The following ATRNL1 variants were observed in gnomAD, a reference collection of about 807,000 sequenced individuals.
The protein encoded by ATRNL1 is attractin-like protein 1.
A neutral mutation model predicts 182.7 loss-of-function variants in ATRNL1; 95 were observed. That is an observed-to-expected ratio of 0.52 (90% CI 0.44 to 0.62). The LOEUF is 0.62. Among genes scored for constraint, ATRNL1 ranks in the 20% least tolerant of loss-of-function variants. ATRNL1 has a pLI of 0.00. For missense variants in ATRNL1, 1,471 were observed against 1,679.5 expected (o/e 0.88, Z 2.17); for synonymous variants, 576 against 568.3 (o/e 1.01, Z -0.19).
At chr10:115,644,686 A>G (rs2133865241) in intron 26 of ATRNL1, among the ~76,000 whole-genome samples, 1 of 152,312 alleles carries the variant, frequency 6.6e-6, no homozygotes, top group East Asian at 1.9e-4. Context: ...AAGGATATAC[A>G]ATTTGGTTCA....
At chr10:115,605,632 A>T (rs782628309) in intron 26 of ATRNL1, among the ~76,000 whole-genome samples, 34 of 152,028 alleles carry the variant, frequency 2.2e-4, no homozygotes, top group Non-Finnish European at 3.7e-4. Flanking sequence ...ATTGTAAGTC[A>T]AAGATCATCT....
chr10:115,685,998 C>T (rs1353038627), intron 26 of ATRNL1, among the ~76,000 whole-genome samples: 1 of 151,330 alleles, frequency 6.6e-6, no homozygotes, highest in Non-Finnish European at 1.5e-5. Context: ...TTTGAGTTAC[C>T]ATACATAGAG....
chr10:115,133,671 T>G (rs1248626949), intron 5 of ATRNL1, among the ~76,000 whole-genome samples: 5 of 152,182 alleles, frequency 3.3e-5, no homozygotes, highest in Admixed American at 1.3e-4. Context: ...ATCCAGGAAT[T>G]GAACTCAGCT....
intron 8 of ATRNL1, among the ~76,000 whole-genome samples, chr10:115,202,279 G>C (rs1187832592): frequency 1.3e-5 from 2 of 151,070 alleles, no homozygotes; most frequent in African/African-American, 4.9e-5. Context: ...TTGAATAGGA[G>C]TGGTGAGAGA....
chr10:115,316,952 C>T (rs191296924), intron 18 of ATRNL1, among the ~76,000 whole-genome samples: 28 of 152,282 alleles, frequency 1.8e-4, no homozygotes, highest in Admixed American at 1.0e-3. Context: ...ACTTTTGTTG[C>T]AGCTGCTTTT....
At chr10:115,813,873 G>T (rs1052754078) in intron 27 of ATRNL1, among the ~76,000 whole-genome samples, 2 of 152,020 alleles carry the variant, frequency 1.3e-5, no homozygotes, top group Admixed American at 6.6e-5. Context: ...CTTTAATTAA[G>T]TTTGTTCAGA....
intron 28 of ATRNL1, among the ~76,000 whole-genome samples, chr10:115,874,569 C>T (rs1477633476): frequency 6.6e-6 from 1 of 152,218 alleles, no homozygotes; most frequent in East Asian, 1.9e-4. Flanking sequence ...AAGGAAACTA[C>T]AATCTCTTCA....
intron 19 of ATRNL1, among the ~76,000 whole-genome samples, chr10:115,344,709 C>G (rs1255187585): frequency 6.6e-6 from 1 of 152,160 alleles, no homozygotes; most frequent in African/African-American, 2.4e-5. Context: ...GAGTTTTGCC[C>G]TTTAGCCACT....
At chr10:115,892,990 C>T (rs1952116577) in intron 28 of ATRNL1, among the ~76,000 whole-genome samples, 1 of 152,082 alleles carries the variant, frequency 6.6e-6, no homozygotes, top group South Asian at 2.1e-4. Context: ...TCTTTATAAA[C>T]ATATATGTCA....
At chr10:115,830,323 T>C (rs955171439) in intron 27 of ATRNL1, among the ~76,000 whole-genome samples, 1 of 152,346 alleles carries the variant, frequency 6.6e-6, no homozygotes, top group South Asian at 2.1e-4. Flanking sequence ...AGGTAAGATT[T>C]GATGCATCTC....
intron 27 of ATRNL1, among the ~76,000 whole-genome samples, chr10:115,729,795 C>T (rs1195193597): frequency 6.6e-6 from 1 of 151,964 alleles, no homozygotes; most frequent in African/African-American, 2.4e-5. Context: ...ATGTTAATAC[C>T]ACCTGGAATT....
At chr10:115,219,051 A>T (rs1849340412) in intron 9 of ATRNL1, among the ~76,000 whole-genome samples, 1 of 152,048 alleles carries the variant, frequency 6.6e-6, no homozygotes, top group South Asian at 2.1e-4. Flanking sequence ...CCTGGCCAAT[A>T]TGGTGAAACC....
chr10:115,877,101 A>G lies in ATRNL1; in HGVS notation c.4018+29110A>G, dbSNP rs985460937. Among the ~76,000 whole-genome samples, 12 of 152,196 alleles carry G rather than the reference A, an allele frequency of 7.9e-5. No individual in the cohort carries two copies. The East Asian group carries it at 1.2e-3, about 15-fold the overall frequency. Reference sequence around the variant, plus strand: ...GTAATAGACTAGGCTTTGAGCTGCTATTACCATAGAATACTTTTCCGGCTT... The same window carrying G: ...GTAATAGACTAGGCTTTGAGCTGCTGTTACCATAGAATACTTTTCCGGCTT... On this transcript the variant is annotated intron_variant, in intron 28 of 28. Transcript: ENST00000355044.
chr10:115,448,600 C>A (rs903751652), intron 21 of ATRNL1, among the ~76,000 whole-genome samples: 1 of 151,898 alleles, frequency 6.6e-6, no homozygotes, highest in Non-Finnish European at 1.5e-5. Context: ...AACATAACAT[C>A]ACAACTGAAA....
intron 10 of ATRNL1, among the ~76,000 whole-genome samples, chr10:115,250,846 A>G (rs1215310065): frequency 2.6e-5 from 4 of 152,184 alleles, no homozygotes; most frequent in Admixed American, 6.5e-5. Flanking sequence ...ATCTGGCCCA[A>G]TTAGCATAAT....
intron 8 of ATRNL1, among the ~76,000 whole-genome samples, chr10:115,178,487 T>G (rs1169812348): frequency 6.6e-6 from 1 of 152,166 alleles, no homozygotes; most frequent in Non-Finnish European, 1.5e-5. Flanking sequence ...GGAAGTAGTT[T>G]TATTTTCCTC....
At chr10:115,833,644 T>TA (rs1950605863) in intron 27 of ATRNL1, among the ~76,000 whole-genome samples, 1 of 152,208 alleles carries the variant, frequency 6.6e-6, no homozygotes, top group Non-Finnish European at 1.5e-5. Context: ...AGTTTATCCT[T>TA]ACAACAATCC....
intron 5 of ATRNL1, among the ~76,000 whole-genome samples, chr10:115,133,643 C>G (rs560667469): frequency 6.6e-6 from 1 of 152,220 alleles, no homozygotes; most frequent in East Asian, 1.9e-4. Flanking sequence ...GATCAATAGA[C>G]AGAAGGTTAA....
chr10:115,643,338 G>T (rs1555031140), intron 26 of ATRNL1, among the ~76,000 whole-genome samples: 1 of 152,044 alleles, frequency 6.6e-6, no homozygotes, highest in Non-Finnish European at 1.5e-5. Flanking sequence ...ACTCAAAATT[G>T]ATTATAAACC....
Sources: gnomAD v4.1 joint callset for allele counts (sites outside exome capture counted in the v4.1 genomes callset) on GRCh38, gnomAD v4.1.1 for gene constraint, MANE v1.5 for transcripts, NCBI Gene and HGNC (gene_info 2026-07-23, HGNC 2026-07-21) for gene names.